SCN9A: variants seen among roughly 807,000 people sequenced by gnomAD.
SCN9A encodes sodium voltage-gated channel alpha subunit 9.
A neutral mutation model predicts 187.0 loss-of-function variants in SCN9A; 131 were observed. The ratio of observed to expected loss-of-function variants is 0.70; its 90% confidence interval spans 0.61 to 0.81. The LOEUF (loss-of-function observed/expected upper bound fraction) is 0.81. Among genes scored for constraint, SCN9A ranks in the 30% least tolerant of loss-of-function variants. The pLI is 0.00. For missense variants in SCN9A, 2,252 were observed against 2,396.6 expected, an observed-to-expected ratio of 0.94 and a Z score of 1.26; for synonymous variants, 809 against 808.6, an observed-to-expected ratio of 1.00 and a Z score of -0.01.
chr2:166,239,162 G>T (rs993022657), intron 19 of SCN9A, among the ~76,000 whole-genome samples: 4 of 145,396 alleles, frequency 2.8e-5, no homozygotes, highest in Non-Finnish European at 5.9e-5. Context: ...GCTCATTGTT[G>T]CAGTGAGCCA....
intron 24 of SCN9A, among the ~76,000 whole-genome samples, chr2:166,214,503 C>CTTTTTT (rs34494272): frequency 1.6e-5 from 1 of 64,274 alleles, no homozygotes; most frequent in African/African-American, 6.4e-5. Context: ...TACAATCTTT[C>CTTTTTT]TTTTTTTTTT....
Position 166,284,735 on chromosome 2 carries a change from T to C in SCN9A, c.1692A>G (p.Ile564Met), listed in dbSNP as rs887375124. ...LFSFKGRGRD[I>M]GSETEFADDE... ...CATCGGCAAATTCAGTCTCAGATCC[T>C]ATATCTCTTCCTCTGCCTTTGAAAC... The change falls in exon 12 of 27, where the codon ATA (isoleucine) becomes ATG (methionine). Residue 564 changes from isoleucine to methionine, a missense_variant. By Grantham distance (10) the Ile-to-Met change is conservative (BLOSUM62 1). This residue lies in a region of SCN9A where 1,013 missense variants were observed against 997.4 expected (regional missense o/e 1.02). Transcript: ENST00000642356. 1.2e-6 allele frequency: 2 copies of C among 1,613,842 alleles called. No individual in the cohort carries two copies. Among genetic ancestry groups the C allele is most frequent in the African/African-American group, 2.7e-5 (2 of 74,924 alleles).
At chr2:166,227,933 TA>T (rs1694909173) in intron 22 of SCN9A, among the ~76,000 whole-genome samples, 1 of 152,200 alleles carries the variant, frequency 6.6e-6, no homozygotes. Flanking sequence ...TAATTATTTC[TA>T]AATTGTTACA....
chr2:166,222,959 A>AAAAAAAAAAAAAAC (rs1694678761), intron 24 of SCN9A, among the ~76,000 whole-genome samples: 1 of 146,910 alleles, frequency 6.8e-6, no homozygotes, highest in African/African-American at 2.5e-5. Flanking sequence ...AAAAAAAAAA[A>AAAAAAAAAAAAAAC]AAAAAAAAAA....
intron 17 of SCN9A, among the ~76,000 whole-genome samples, chr2:166,262,325 T>C (rs1439333642): frequency 6.6e-6 from 1 of 152,028 alleles, no homozygotes; most frequent in Non-Finnish European, 1.5e-5. Context: ...AAGGGTTATG[T>C]AGTCTTGAGA....
intron 1 of SCN9A, among the ~76,000 whole-genome samples, chr2:166,366,158 T>G (rs1700409962): frequency 6.6e-6 from 1 of 152,168 alleles, no homozygotes; most frequent in Non-Finnish European, 1.5e-5. Context: ...GGAGGCCAAC[T>G]AGACCGGATC....
intron 7 of SCN9A, 66 bp from the exon 8 acceptor site, chr2:166,294,728 G>C (rs1698225410): frequency 1.8e-6 from 2 of 1,123,100 alleles, no homozygotes. Context: ...GATAAAGGAG[G>C]TAAATTAATT....
rs1186933992 is a variant in SCN9A at position 166,222,760 on chromosome 2, G to A, written c.4398+3807C>T. Reference sequence around the variant, plus strand: ...ATCCTGGCTAACAGGGTGAAACCCCGTCTCTACTAAAAATACAAAAATTAG... The same window carrying A: ...ATCCTGGCTAACAGGGTGAAACCCCATCTCTACTAAAAATACAAAAATTAG... On this transcript the variant is annotated intron_variant, in intron 24 of 26. Transcript: ENST00000642356. Among the ~76,000 whole-genome samples, 4 of 138,704 alleles carry A rather than the reference G, an allele frequency of 2.9e-5. 1 individual carries two copies. The highest frequency in any genetic ancestry group is 4.6e-5 in the Non-Finnish European group (3 of 65,418). The allele number at this position is 138,704 out of a possible 152,430, so 91.0% of individuals were successfully genotyped here. A position where few individuals can be genotyped will look rare whatever the true frequency, so the allele number is the denominator to read the frequency against.
At chr2:166,371,211 G>C (rs1259351249) in intron 1 of SCN9A, among the ~76,000 whole-genome samples, 3 of 152,162 alleles carry the variant, frequency 2.0e-5, no homozygotes, top group Non-Finnish European at 4.4e-5. Flanking sequence ...ACAGTAAGTT[G>C]TTATTTTAAA....
intron 24 of SCN9A, among the ~76,000 whole-genome samples, chr2:166,217,842 C>T (rs1332493801): frequency 2.6e-5 from 4 of 152,006 alleles, no homozygotes; most frequent in African/African-American, 9.7e-5. Context: ...TATAATTCAG[C>T]AATTCCACTT....
chr2:166,204,585 T>G (rs1225862910), intron 24 of SCN9A, 121 bp from the exon 25 acceptor site: 1 of 542,846 alleles, frequency 1.8e-6, no homozygotes, highest in African/African-American at 1.9e-5. Context: ...TTTATTATGT[T>G]CATGATAGCT....
chr2:166,226,603 A>G lies in SCN9A; in HGVS notation c.4362T>C (p.Gly1454=). ...GSFFTLNLFI[G]VIIDNFNQQK... ...GTTGGTTGAAATTATCTATGATGAC[A>G]CCAATGAACAAGTTCAAAGTGAAGA... Residue 1454 remains glycine (G), a synonymous_variant, in exon 24 of 27, where the codon GGT becomes GGC. Transcript: ENST00000642356. The G allele has an allele frequency of 1.9e-6, 3 of 1,586,454 alleles. No individual in the cohort carries two copies. The highest frequency in any genetic ancestry group is 2.6e-6 in the Non-Finnish European group (3 of 1,164,952).
chr2:166,291,660 G>C lies in SCN9A; in HGVS notation c.1107+1571C>G, dbSNP rs188159322. On this transcript the variant is annotated intron_variant, in intron 9 of 26. Coordinates refer to ENST00000642356, the MANE Select transcript of SCN9A (RefSeq NM_001365536.1). ...CAAAGCTGGAGGCATCAGCCTACCT[G>C]ACTTCAAACTATACTATGAGGTTAC... Among the ~76,000 whole-genome samples, 185 of 152,262 alleles carry C rather than the reference G, an allele frequency of 1.2e-3. 1 individual carries two copies. The highest frequency in any genetic ancestry group is 4.4e-3 in the African/African-American group (182 of 41,548).
chr2:166,306,591 C>A lies in SCN9A; in HGVS notation c.386G>T (p.Ser129Ile), dbSNP rs747448727. 1.9e-6 allele frequency: 3 copies of A among 1,570,898 alleles called. No individual in the cohort carries two copies. The highest frequency in any genetic ancestry group is 1.7e-6 in the Non-Finnish European group (2 of 1,154,054). The stretch of plus-strand genomic sequence containing the variant: ...CAGAATAGTGCACATGATGAGCATG[C>A]TGAATAAGGTAGCTTAGAATCAAGG... ...SIKILVHSLF[S>I]MLIMCTILTN... The change falls in exon 4 of 27, where the codon AGC becomes ATC. Residue 129 changes from serine to isoleucine, a missense_variant. Transcript: ENST00000642356.
At chr2:166,244,315 C>T (rs755057318) in intron 18 of SCN9A, among the ~76,000 whole-genome samples, 13 of 151,872 alleles carry the variant, frequency 8.6e-5, no homozygotes, top group South Asian at 2.1e-4. Flanking sequence ...GGGCCAACTC[C>T]GAAACATTCT....
intron 1 of SCN9A, among the ~76,000 whole-genome samples, chr2:166,371,303 TG>T (rs1413007991): frequency 6.6e-6 from 1 of 152,218 alleles, no homozygotes; most frequent in Middle Eastern, 3.2e-3. Flanking sequence ...AATTCAAACT[TG>T]TCTGTGGCAG....
chr2:166,270,069 A>G (rs1696908290), intron 17 of SCN9A, among the ~76,000 whole-genome samples: 1 of 152,094 alleles, frequency 6.6e-6, no homozygotes, highest in East Asian at 1.9e-4. Flanking sequence ...TGAAATGAAC[A>G]CGGTTTTAAA....
intron 1 of SCN9A, among the ~76,000 whole-genome samples, chr2:166,343,598 C>T (rs1239408305): frequency 1.3e-5 from 2 of 151,912 alleles, no homozygotes; most frequent in Admixed American, 6.6e-5. Context: ...ACCACGGTTT[C>T]CTCATTGAAA....
At chr2:166,212,547 C>T (rs1241101393) in intron 24 of SCN9A, among the ~76,000 whole-genome samples, 1 of 152,176 alleles carries the variant, frequency 6.6e-6, no homozygotes, top group Non-Finnish European at 1.5e-5. Context: ...CAGTAGGATA[C>T]ATCAATACCC....
Sources: allele counts gnomAD v4.1 joint callset (sites outside exome capture counted in the v4.1 genomes callset), GRCh38; gene constraint gnomAD v4.1.1; regional missense constraint gnomAD v4.1.1; transcripts MANE v1.5; gene names NCBI Gene and HGNC (gene_info 2026-07-23, HGNC 2026-07-21).